DENND1A: variants seen among roughly 807,000 people sequenced by gnomAD.
DENND1A encodes the protein DENN domain containing 1A.
In DENND1A, 51 loss-of-function variants were observed where a neutral mutation model predicts 113.7. The observed-to-expected ratio is 0.45, with a 90% CI of 0.36 to 0.57. The LOEUF (loss-of-function observed/expected upper bound fraction) is 0.57. Ranked by LOEUF, DENND1A falls within the 20% of genes least tolerant of loss-of-function variation. DENND1A has a pLI of 0.00. For missense variants in DENND1A, 1,258 were observed against 1,395.9 expected, an observed-to-expected ratio of 0.90 and a Z score of 1.57; for synonymous variants, 565 against 570.8, an observed-to-expected ratio of 0.99 and a Z score of 0.14.
At chr9:123,435,180 C>T (rs2046427338) in intron 19 of DENND1A, among the ~76,000 whole-genome samples, 1 of 152,160 alleles carries the variant, frequency 6.6e-6, no homozygotes, top group Non-Finnish European at 1.5e-5. Context: ...GAGGCAATGG[C>T]TGAAGTGAAG....
At chr9:123,387,920 C>T (rs2042651850) in intron 21 of DENND1A, 62 bp from the exon 22 acceptor site, 12 of 1,268,652 alleles carry the variant, frequency 9.5e-6, no homozygotes, top group African/African-American at 3.1e-5. Flanking sequence ...CAGAACTTCA[C>T]GTGCAGGCGG....
At chr9:123,768,343 C>T (rs1411675415) in intron 4 of DENND1A, among the ~76,000 whole-genome samples, 1 of 152,184 alleles carries the variant, frequency 6.6e-6, no homozygotes, top group African/African-American at 2.4e-5. Context: ...CAATTCTCAT[C>T]TCATACCATT....
At chr9:123,750,499 T>A (rs772227207) in intron 5 of DENND1A, among the ~76,000 whole-genome samples, 3 of 152,152 alleles carry the variant, frequency 2.0e-5, no homozygotes, top group Non-Finnish European at 4.4e-5. Flanking sequence ...CCCTGGCCCA[T>A]CCTCTATGTT....
At position 123,562,643 on chromosome 9, in the gene DENND1A, CTTGA is replaced by C. The variant is rs1403011002; in HGVS notation, c.868-4952_868-4949del. On this transcript the variant is annotated intron_variant, in intron 12 of 23. Transcript: ENST00000394215. ...ATGCTTTCACTTTCTATTTTACACA[CTTGA>C]TTGTTTTGATTATCCTTTATAAAAA... 5.9e-5 allele frequency among the ~76,000 whole-genome samples: 9 copies of C among 152,212 alleles called. No homozygotes were observed. In the East Asian group the frequency reaches 1.7e-3, roughly 29 times the overall value.
At chr9:123,818,167 C>T (rs1390479033) in intron 2 of DENND1A, among the ~76,000 whole-genome samples, 6 of 152,028 alleles carry the variant, frequency 3.9e-5, no homozygotes, top group Non-Finnish European at 1.5e-5. Context: ...TGCAGTGGCG[C>T]GATCTCGGCT....
chr9:123,435,106 C>A (rs2046420701), intron 19 of DENND1A, among the ~76,000 whole-genome samples: 1 of 151,534 alleles, frequency 6.6e-6, no homozygotes, highest in South Asian at 2.1e-4. Context: ...AGTGTATGTT[C>A]AGACCAGAGG....
chr9:123,382,405 T>A lies in DENND1A; in HGVS notation c.2240A>T (p.Lys747Met), dbSNP rs779069429. 6 of 1,601,274 alleles carry A rather than the reference T, an allele frequency of 3.7e-6. No homozygotes were observed. The highest frequency in any genetic ancestry group is 5.1e-6 in the Non-Finnish European group (6 of 1,173,494). ...CAGAGTAGGGGTGGGCACCTCCTCCTTGTCACTGGGGTTCAGGATGCTGTC... is the reference window on the plus strand; with the variant it reads ...CAGAGTAGGGGTGGGCACCTCCTCCATGTCACTGGGGTTCAGGATGCTGTC... ...NRDSILNPSD[K>M]EEVPTPTLGS... The change falls in exon 24 of 24, where the codon AAG becomes ATG. Residue 747 changes from lysine to methionine, a missense_variant. By Grantham distance (95) the Lys-to-Met change is moderately conservative. Transcript: ENST00000394215.
At chr9:123,618,690 T>C (rs966744720) in intron 10 of DENND1A, among the ~76,000 whole-genome samples, 1 of 152,142 alleles carries the variant, frequency 6.6e-6, no homozygotes, top group African/African-American at 2.4e-5. Context: ...ACCATTCCCC[T>C]ATGTGGGAAG....
chr9:123,499,541 ACCC>A, intron 13 of DENND1A, among the ~76,000 whole-genome samples: 1 of 152,168 alleles, frequency 6.6e-6, no homozygotes, highest in Non-Finnish European at 1.5e-5. Flanking sequence ...CCTCACAACA[ACCC>A]CAAGAGGTAG....
chr9:123,575,723 G>T (rs1024905080), intron 12 of DENND1A, among the ~76,000 whole-genome samples: 1 of 152,194 alleles, frequency 6.6e-6, no homozygotes, highest in Non-Finnish European at 1.5e-5. Flanking sequence ...GCCCCTTCTG[G>T]ACAGGACAGT....
chr9:123,767,760 T>C (rs1253123626), intron 4 of DENND1A, among the ~76,000 whole-genome samples: 1 of 152,178 alleles, frequency 6.6e-6, no homozygotes, highest in East Asian at 1.9e-4. Context: ...AGGATTACTC[T>C]AAAATATTTT....
chr9:123,670,091 A>G (rs1425793810), intron 7 of DENND1A, among the ~76,000 whole-genome samples: 2 of 152,366 alleles, frequency 1.3e-5, no homozygotes, highest in East Asian at 3.9e-4. Flanking sequence ...CATATTTAGT[A>G]TAAATTAGGA....
intron 21 of DENND1A, among the ~76,000 whole-genome samples, chr9:123,399,022 C>T (rs1190387928): frequency 1.3e-5 from 2 of 151,536 alleles, no homozygotes; most frequent in Non-Finnish European, 2.9e-5. Context: ...TCTTGAACTC[C>T]TGACCTCAAG....
intron 5 of DENND1A, among the ~76,000 whole-genome samples, chr9:123,736,203 A>T: frequency 6.6e-6 from 1 of 152,216 alleles, no homozygotes; most frequent in East Asian, 1.9e-4. Flanking sequence ...AGTGTATGAG[A>T]ACACATGACC....
At chr9:123,452,157 G>A in intron 17 of DENND1A, 119 bp downstream of exon 17, 1 of 897,852 alleles carries the variant, frequency 1.1e-6, no homozygotes. Flanking sequence ...TTGCACCACT[G>A]CACTCCAGCC....
At chr9:123,484,660 T>A (rs1588764392) in intron 13 of DENND1A, among the ~76,000 whole-genome samples, 1 of 152,178 alleles carries the variant, frequency 6.6e-6, no homozygotes, top group Non-Finnish European at 1.5e-5. Context: ...TGCTTGCAGG[T>A]CTACGAATGC....
intron 1 of DENND1A, among the ~76,000 whole-genome samples, chr9:123,889,549 C>A (rs1209157335): frequency 6.6e-6 from 1 of 151,748 alleles, no homozygotes; most frequent in African/African-American, 2.4e-5. Flanking sequence ...TTAGTCTAGG[C>A]AATAAATAAA....
rs547191904 is a variant in DENND1A, at chr9:123,784,422, G to A, written c.132+8165C>T. Among the ~76,000 whole-genome samples the A allele has an allele frequency of 1.1e-4, 16 of 152,282 alleles. 1 individual carries two copies. The South Asian group carries it at 3.3e-3, about 32-fold the overall frequency. On this transcript the variant is annotated intron_variant, in intron 3 of 23. Transcript: ENST00000394215. ...TTGAGTGTGAATGCAGAGGGAAACA[G>A]AAGAATAGGACAGACTAGAGAGCAG...
chr9:123,602,853 G>T (rs1025598692), intron 11 of DENND1A, among the ~76,000 whole-genome samples: 1 of 152,120 alleles, frequency 6.6e-6, no homozygotes, highest in Non-Finnish European at 1.5e-5. Context: ...TGTTGTTGTT[G>T]TTTTTAATTT....
Sources: gnomAD v4.1 joint callset for allele counts (sites outside exome capture counted in the v4.1 genomes callset) on GRCh38, gnomAD v4.1.1 for gene constraint, MANE v1.5 for transcripts, NCBI Gene and HGNC (gene_info 2026-07-23, HGNC 2026-07-21) for gene names.